PRKCG: variants seen among roughly 807,000 people sequenced by gnomAD.
The protein encoded by PRKCG is protein kinase C gamma.
Under a neutral mutation model 82.0 loss-of-function variants are expected in PRKCG, and 28 were observed. The ratio of observed to expected loss-of-function variants is 0.34; its 90% CI spans 0.25 to 0.47. The LOEUF (loss-of-function observed/expected upper bound fraction) is 0.47. Among genes scored for constraint, PRKCG ranks in the 20% least tolerant of loss-of-function variants. The pLI, the probability that PRKCG is intolerant of heterozygous loss-of-function variation, is 1.00. For synonymous variants in PRKCG, 383 were observed against 376.6 expected (o/e 1.02, Z -0.20); for missense variants, 640 against 952.7 (o/e 0.67, Z 4.32).
chr19:53,891,877 T>G (rs2068679387), intron 6 of PRKCG, 47 bp downstream of exon 6: 1 of 1,612,582 alleles, frequency 6.2e-7, no homozygotes, highest in Non-Finnish European at 8.5e-7. Flanking sequence ...CAGAGAATGA[T>G]CTGAGGGTCC....
In PRKCG at chr19:53,884,327, AT is replaced by A; in HGVS notation, c.285+89del. On this transcript the variant is annotated intron_variant, in intron 3 of 17. Transcript: ENST00000263431. This position sits in a 1 kb window ranked among gnomAD's most constrained non-coding sequence, Gnocchi z 4.6. ...GGCGTCCGTCCCAATTTCTCCTGCT[AT>A]TTTTATGGCTGGGAGGGGAGGGGGG... is the stretch of plus-strand genomic sequence containing the variant. The A allele has an allele frequency of 7.7e-7, 1 of 1,293,656 alleles. No homozygotes were observed. Among genetic ancestry groups the A allele is most frequent in the Non-Finnish European group, 1.1e-6 (1 of 893,806 alleles). 80.1% of individuals were successfully genotyped at this position (1,293,656 alleles called of 1,614,324 possible).
chr19:53,905,935 A>T (rs887863997), intron 16 of PRKCG, among the ~76,000 whole-genome samples: 1,077 of 89,404 alleles, frequency 0.012, 23 homozygotes, highest in African/African-American at 0.048. Flanking sequence ...TCTCTCTCTC[A>T]CTCACTCTCA....
At chr19:53,891,894 C>A in intron 6 of PRKCG, 64 bp downstream of exon 6, 1 of 1,601,730 alleles carries the variant, frequency 6.2e-7, no homozygotes, top group Non-Finnish European at 8.5e-7. Context: ...GTCCTAGTGG[C>A]CCCCAGAGAG....
At position 53,889,593 on chromosome 19, in the gene PRKCG, T is replaced by C. The variant is rs374021385; in HGVS notation, c.286-45T>C. 5.3e-6 allele frequency: 8 copies of C among 1,501,394 alleles called. No individual in the cohort carries two copies. The South Asian group carries it at 5.7e-5, about 11-fold the overall frequency. 93.0% of individuals were successfully genotyped at this position (1,501,394 alleles called of 1,614,324 possible). ...TAAAAGGGCCCCTCCCCTGGGGTTT[T>C]AGGACCCTCCCAACGCCCCCTAAGC... On this transcript the variant is annotated intron_variant, in intron 3 of 17. Coordinates refer to ENST00000263431, the MANE Select transcript of PRKCG (RefSeq NM_002739.5). The surrounding 1 kb of genome is among the most constrained non-coding windows in gnomAD (Gnocchi z 4.4).
At chr19:53,902,912 A>AAAC (rs2068775299) in intron 14 of PRKCG, among the ~76,000 whole-genome samples, 161 bp from the exon 15 acceptor site, 1 of 149,712 alleles carries the variant, frequency 6.7e-6, no homozygotes, top group African/African-American at 2.5e-5. Flanking sequence ...AAAAAAAAAA[A>AAAC]AAAACGAAAC....
chr19:53,883,148 C>A lies in PRKCG; in HGVS notation c.171-15C>A. ...ACCCCTTTCTGCACTGACCTAGGATCCCTGACTCTTCCAGGGGTATCGGAA... is the reference window on the plus strand; with the variant it reads ...ACCCCTTTCTGCACTGACCTAGGATACCTGACTCTTCCAGGGGTATCGGAA... On this transcript the variant is annotated splice_polypyrimidine_tract_variant and intron_variant, in intron 1 of 17. Coordinates refer to ENST00000263431, the MANE Select transcript of PRKCG (RefSeq NM_002739.5). This position sits in a 1 kb window ranked among gnomAD's most constrained non-coding sequence, Gnocchi z 5.4. 1 of 1,614,036 alleles carries A rather than the reference C, an allele frequency of 6.2e-7. No individual in the cohort carries two copies. Among genetic ancestry groups the A allele is most frequent in the Non-Finnish European group, 8.5e-7 (1 of 1,179,984 alleles).
Position 53,906,753 on chromosome 19 carries a change from C to A in PRKCG, c.1952C>A (p.Ala651Glu). The A allele has an allele frequency of 1.9e-6, 3 of 1,613,318 alleles. No homozygotes were observed. Among genetic ancestry groups the A allele is most frequent in the Non-Finnish European group, 2.5e-6 (3 of 1,179,994 alleles). Residue 651 changes from alanine to glutamate, a missense_variant, in exon 18 of 18, where the codon GCG (alanine) becomes GAG (glutamate). Physicochemically the swap from Ala to Glu is moderately radical, Grantham distance 107. Coordinates refer to ENST00000263431, the MANE Select transcript of PRKCG (RefSeq NM_002739.5). ...TTTGACAAGTTCTTCACGCGGGCGG[C>A]GCCAGCGCTGACCCCTCCAGACCGC... is the stretch of plus-strand genomic sequence containing the variant. ...ENFDKFFTRA[A>E]PALTPPDRLV... is the part of the protein sequence containing the mutation.
Position 53,906,940 on chromosome 19 carries a change from G to T in PRKCG, c.*45G>T. 6.2e-7 allele frequency: 1 copy of T among 1,610,028 alleles called. No homozygotes were observed. The highest frequency in any genetic ancestry group is 8.5e-7 in the Non-Finnish European group (1 of 1,178,596). Reference sequence around the variant, plus strand: ...GTGTCCCCAACGTCCCCTCCGCCGTGCCGGCGGCAGCCCCACTTCACCCCC... The same window carrying T: ...GTGTCCCCAACGTCCCCTCCGCCGTTCCGGCGGCAGCCCCACTTCACCCCC... On this transcript the variant is annotated 3_prime_UTR_variant, in exon 18 of 18. Transcript: ENST00000263431.
rs1320990361 is a variant in PRKCG, at chr19:53,900,394, C to T, written c.1374-25C>T. The T allele has an allele frequency of 3.1e-6, 5 of 1,614,092 alleles. No homozygotes were observed. The highest frequency in any genetic ancestry group is 1.6e-4 in the Middle Eastern group (1 of 6,062). On this transcript the variant is annotated intron_variant, in intron 12 of 17. Transcript: ENST00000263431. This position sits in a 1 kb window ranked among gnomAD's most constrained non-coding sequence, Gnocchi z 4.2. ...CAGGATCCAGCCACTGACCTTCTGA[C>T]GTCCCCACCCACCCCGTCCTCCAGG... is the stretch of plus-strand genomic sequence containing the variant.
Position 53,884,313 on chromosome 19 carries a change from C to T in PRKCG, c.285+70C>T. On this transcript the variant is annotated intron_variant, in intron 3 of 17. Transcript: ENST00000263431. The surrounding 1 kb of genome is among the most constrained non-coding windows in gnomAD (Gnocchi z 4.6). ...GCCCTCACCCCCTCGGCGTCCGTCC[C>T]AATTTCTCCTGCTATTTTTATGGCT... is the stretch of plus-strand genomic sequence containing the variant. 1 of 1,388,696 alleles carries T rather than the reference C, an allele frequency of 7.2e-7. No individual in the cohort carries two copies. The highest frequency in any genetic ancestry group is 1.0e-6 in the Non-Finnish European group (1 of 977,554). The allele number at this position is 1,388,696 out of a possible 1,614,324, so 86.0% of individuals were successfully genotyped here.
chr19:53,898,382 A>C, intron 10 of PRKCG, 58 bp from the exon 11 acceptor site: 3 of 1,597,048 alleles, frequency 1.9e-6, no homozygotes, highest in Non-Finnish European at 2.6e-6. Flanking sequence ...GGGAGGGGGC[A>C]GGTCCTGTAC....
rs1056410845 is a variant in PRKCG, at chr19:53,900,131, G to T, written c.1282-102G>T. The stretch of plus-strand genomic sequence containing the variant: ...CTAGGTGCTCTGAATTTCTGGTTGG[G>T]TGCATCTGGAACCTTCCACGTCTGT... On this transcript the variant is annotated intron_variant, in intron 11 of 17. Transcript: ENST00000263431. The surrounding 1 kb of genome is among the most constrained non-coding windows in gnomAD (Gnocchi z 4.2). 2.7e-6 allele frequency: 3 copies of T among 1,101,436 alleles called. No individual in the cohort carries two copies. The highest frequency in any genetic ancestry group is 3.1e-5 in the African/African-American group (2 of 64,866). The allele number at this position is 1,101,436 out of a possible 1,614,324, so 68.2% of individuals were successfully genotyped here.
chr19:53,882,723 C>T lies in PRKCG; in HGVS notation c.170+59C>T. On this transcript the variant is annotated intron_variant, in intron 1 of 17. Transcript: ENST00000263431. This position sits in a 1 kb window ranked among gnomAD's most constrained non-coding sequence, Gnocchi z 6.1. Reference sequence around the variant, plus strand: ...GGGGACTAGGGGTGCAGACTCCTATCACGCCGACCCCTGTGGAAGGAAGAA... The same window carrying T: ...GGGGACTAGGGGTGCAGACTCCTATTACGCCGACCCCTGTGGAAGGAAGAA... The T allele has an allele frequency of 3.1e-6, 5 of 1,590,288 alleles. No individual in the cohort carries two copies. In the Admixed American group the frequency reaches 6.9e-5, roughly 22 times the overall value.
chr19:53,904,530 G>A (rs927813352), intron 15 of PRKCG, 105 bp from the exon 16 acceptor site: 59 of 903,192 alleles, frequency 6.5e-5, no homozygotes, highest in African/African-American at 1.7e-4. Flanking sequence ...CATGTGGGGC[G>A]TGTGATGGGT....
intron 11 of PRKCG, among the ~76,000 whole-genome samples, chr19:53,899,591 C>T (rs2123014188): frequency 6.9e-6 from 1 of 145,322 alleles, no homozygotes; most frequent in South Asian, 2.2e-4. Flanking sequence ...ACTTTGATTC[C>T]TTTTTTTTTT....
Position 53,889,860 on chromosome 19 carries a change from G to T in PRKCG, c.398-26G>T. ...TCTTGGCTTGGGGGCGGGGCCTGAG[G>T]TGCTACCCGCAGCTTTCCCCTCCAG... is the stretch of plus-strand genomic sequence containing the variant. On this transcript the variant is annotated intron_variant, in intron 4 of 17. Transcript: ENST00000263431. This position sits in a 1 kb window ranked among gnomAD's most constrained non-coding sequence, Gnocchi z 4.4. The T allele has an allele frequency of 1.0e-5, 16 of 1,573,500 alleles. No homozygotes were observed. The highest frequency in any genetic ancestry group is 1.4e-5 in the Non-Finnish European group (16 of 1,160,174).
chr19:53,886,137 C>T (rs1287174582), intron 3 of PRKCG, among the ~76,000 whole-genome samples: 1 of 150,978 alleles, frequency 6.6e-6, no homozygotes, highest in Non-Finnish European at 1.5e-5. Flanking sequence ...TGGAGTTTCA[C>T]TCTGTCACCC....
chr19:53,901,549 C>T (rs1216778241), intron 14 of PRKCG, among the ~76,000 whole-genome samples: 1 of 94,500 alleles, frequency 1.1e-5, no homozygotes, highest in Non-Finnish European at 1.8e-5. Flanking sequence ...ATAACTTCAT[C>T]TCAAAAAAAA....
At position 53,893,404 on chromosome 19, in the gene PRKCG, A is replaced by G. The variant is rs1302171160; in HGVS notation, c.939+13A>G. On this transcript the variant is annotated intron_variant, in intron 9 of 17. Coordinates refer to ENST00000263431, the MANE Select transcript of PRKCG (RefSeq NM_002739.5). Reference sequence around the variant, plus strand: ...GGAATTGTATGAGGTGAGTAGAACCAGGGCGTTGAATGGAGGCAGTTTTTG... The same window carrying G: ...GGAATTGTATGAGGTGAGTAGAACCGGGGCGTTGAATGGAGGCAGTTTTTG... The G allele has an allele frequency of 6.2e-7, 1 of 1,612,584 alleles. No homozygotes were observed. Among genetic ancestry groups the G allele is most frequent in the Non-Finnish European group, 8.5e-7 (1 of 1,178,538 alleles).
Sources: allele counts gnomAD v4.1 joint callset (sites outside exome capture counted in the v4.1 genomes callset), GRCh38; gene constraint gnomAD v4.1.1; non-coding constraint Gnocchi (gnomAD v3.1); transcripts MANE v1.5; gene names NCBI Gene and HGNC (gene_info 2026-07-23, HGNC 2026-07-21).